Variants in INSC observed in about 807,000 individuals in gnomAD.
INSC encodes the protein protein inscuteable homolog.
Under a neutral mutation model 58.6 loss-of-function variants are expected in INSC, and 67 were observed. The observed-to-expected ratio is 1.14, with a 90% CI of 0.94 to 1.40. INSC has a LOEUF of 1.40. INSC is among the 40% of genes most tolerant of loss of function. INSC has a pLI of 0.00. For synonymous variants in INSC, 262 were observed against 276.1 expected, an observed-to-expected ratio of 0.95 and a Z score of 0.51; for missense variants, 714 against 692.0, an observed-to-expected ratio of 1.03 and a Z score of -0.36.
chr11:15,200,916 C>T lies in INSC; in HGVS notation c.786C>T (p.Cys262=), dbSNP rs1850564451. ...PQALRTLASI[C]CVEEGVHQLE... Reference sequence around the variant, plus strand: ...CGCTCCGCACGCTGGCCTCCATCTGCTGCGTGGAAGAGGGTGTCCACCAGC... The same window carrying T: ...CGCTCCGCACGCTGGCCTCCATCTGTTGCGTGGAAGAGGGTGTCCACCAGC... The change falls in exon 7 of 13, where the codon TGC becomes TGT. Residue 262 remains cysteine (C), a synonymous_variant. Transcript: ENST00000379556. 5 of 1,612,284 alleles carry T rather than the reference C, an allele frequency of 3.1e-6. No individual in the cohort carries two copies. The highest frequency in any genetic ancestry group is 1.7e-5 in the Admixed American group (1 of 59,838).
chr11:15,139,729 A>G (rs1168664331), intron 1 of INSC, among the ~76,000 whole-genome samples: 4 of 152,226 alleles, frequency 2.6e-5, no homozygotes, highest in African/African-American at 7.2e-5. Context: ...TGGAGCTCAC[A>G]TTTGAACCTG....
intron 7 of INSC, among the ~76,000 whole-genome samples, chr11:15,202,664 A>C (rs1399362858): frequency 6.6e-6 from 1 of 152,198 alleles, no homozygotes; most frequent in East Asian, 1.9e-4. Flanking sequence ...GTTGGCAGGG[A>C]AAATGGGAGG....
At chr11:15,207,764 TA>T (rs1808971923) in intron 7 of INSC, among the ~76,000 whole-genome samples, 1 of 152,160 alleles carries the variant, frequency 6.6e-6, no homozygotes, top group Non-Finnish European at 1.5e-5. Context: ...AAAAAATAAA[TA>T]AAAAATTCAA....
chr11:15,114,648 C>G (rs963515849), upstream of INSC, among the ~76,000 whole-genome samples: 3 of 152,174 alleles, frequency 2.0e-5, no homozygotes, highest in Non-Finnish European at 4.4e-5. Flanking sequence ...AGCCCGGTCT[C>G]TAATTAGGCC....
intron 10 of INSC, among the ~76,000 whole-genome samples, chr11:15,238,434 G>A (rs1293606707): frequency 6.6e-6 from 1 of 152,170 alleles, no homozygotes; most frequent in Non-Finnish European, 1.5e-5. Context: ...GTGATGTAGA[G>A]AAACCAGTTA....
In INSC at chr11:15,164,447, G is replaced by A. The variant is rs532294324; in HGVS notation, c.57-11294G>A. ...TCGTTCCTGTGCCTCTGTTGTCCCT[G>A]TCCCACTGAATTTGGATTCCACTCT... On this transcript the variant is annotated intron_variant, in intron 2 of 12. Transcript: ENST00000379556. Among the ~76,000 whole-genome samples, 6 of 152,188 alleles carry A rather than the reference G, an allele frequency of 3.9e-5. No individual in the cohort carries two copies. The East Asian group carries it at 1.2e-3, about 29-fold the overall frequency.
chr11:15,138,447 C>G (rs1357440774), intron 1 of INSC, among the ~76,000 whole-genome samples: 1 of 152,180 alleles, frequency 6.6e-6, no homozygotes, highest in Non-Finnish European at 1.5e-5. Context: ...CAACACTGCC[C>G]CACTGGGGAT....
intron 7 of INSC, 46 bp from the exon 8 acceptor site, chr11:15,221,431 G>A: frequency 3.2e-6 from 5 of 1,561,300 alleles, no homozygotes; most frequent in Non-Finnish European, 4.3e-6. Flanking sequence ...ATGGGCAGTG[G>A]TGTCCACCCA....
chr11:15,117,827 GT>G (rs1173802068), intron 1 of INSC, among the ~76,000 whole-genome samples: 1 of 152,100 alleles, frequency 6.6e-6, no homozygotes, highest in Admixed American at 6.5e-5. Context: ...TGTCTTGGAG[GT>G]TTTTTTCCTA....
intron 7 of INSC, among the ~76,000 whole-genome samples, chr11:15,217,884 G>A (rs1050021075): frequency 1.3e-5 from 2 of 152,146 alleles, no homozygotes; most frequent in African/African-American, 4.8e-5. Flanking sequence ...TCTGCCAATA[G>A]CAAGTATTGG....
intron 8 of INSC, among the ~76,000 whole-genome samples, chr11:15,224,340 T>C (rs182393768): frequency 6.6e-6 from 1 of 152,336 alleles, no homozygotes; most frequent in East Asian, 1.9e-4. Flanking sequence ...GTTTGACTAA[T>C]GTTATTGGTA....
Position 15,178,342 on chromosome 11 carries a change from T to C in INSC, c.474T>C (p.Asn158=), listed in dbSNP as rs1849644905. 4.3e-6 allele frequency: 7 copies of C among 1,613,878 alleles called. No homozygotes were observed. In the South Asian group the frequency reaches 4.4e-5, roughly 10 times the overall value. The change falls in exon 5 of 13, where the codon AAT becomes AAC. Residue 158 remains asparagine, a synonymous_variant. Coordinates refer to ENST00000379556, the MANE Select transcript of INSC (RefSeq NM_001042536.3). ...TCTTCAGGTGCCTTCAGGTTGAGAA[T>C]GAGCATGTCCTGAAGTCAATGAAGG... The part of the protein sequence containing the change: ...AVTERCLQVE[N]EHVLKSMKAC...
chr11:15,199,085 C>A (rs930834987), intron 6 of INSC, among the ~76,000 whole-genome samples: 2 of 152,166 alleles, frequency 1.3e-5, no homozygotes, highest in African/African-American at 4.8e-5. Context: ...AGCTTTGTAC[C>A]TGCTTTTAAA....
At chr11:15,244,520 C>CCCCT (rs1852485955) in intron 12 of INSC, among the ~76,000 whole-genome samples, 1 of 152,090 alleles carries the variant, frequency 6.6e-6, no homozygotes, top group Admixed American at 6.5e-5. Flanking sequence ...ATGAGTGGTA[C>CCCCT]CCCTGCCTTG....
At chr11:15,130,892 T>C (rs934966216) in intron 1 of INSC, among the ~76,000 whole-genome samples, 7 of 152,102 alleles carry the variant, frequency 4.6e-5, no homozygotes, top group African/African-American at 1.7e-4. Context: ...GCCAATATCA[T>C]TTATTTGTTT....
intron 8 of INSC, among the ~76,000 whole-genome samples, chr11:15,222,747 A>T (rs1218072276): frequency 6.6e-6 from 1 of 152,214 alleles, no homozygotes; most frequent in Non-Finnish European, 1.5e-5. Flanking sequence ...AGTTGAGTTT[A>T]TGGCTGATTC....
chr11:15,267,831 G>A, the INSC span, among the ~76,000 whole-genome samples: 2 of 151,928 alleles, frequency 1.3e-5, no homozygotes, highest in African/African-American at 4.8e-5. Flanking sequence ...TTGTGAATTT[G>A]CTTTAGGGGT....
chr11:15,117,029 G>A (rs1335841692), intron 1 of INSC, among the ~76,000 whole-genome samples: 1 of 148,696 alleles, frequency 6.7e-6, no homozygotes, highest in African/African-American at 2.5e-5. Context: ...TGCAACCTCT[G>A]CCCCCCGGAT....
chr11:15,214,598 TA>T (rs1851145577), intron 7 of INSC, among the ~76,000 whole-genome samples: 1 of 152,184 alleles, frequency 6.6e-6, no homozygotes, highest in African/African-American at 2.4e-5. Context: ...ATGTTGCCCA[TA>T]AATCTGATAT....
Sources: gnomAD v4.1 joint callset for allele counts (sites outside exome capture counted in the v4.1 genomes callset) on GRCh38, gnomAD v4.1.1 for gene constraint, MANE v1.5 for transcripts, NCBI Gene and HGNC (gene_info 2026-07-23, HGNC 2026-07-21) for gene names.